Variants in TRIM16 observed in about 807,000 individuals in gnomAD.
TRIM16 encodes tripartite motif-containing protein 16.
TRIM16 carries 33 observed loss-of-function variants against 50.4 expected under a neutral mutation model. That is an observed-to-expected ratio of 0.65 (90% confidence interval 0.50 to 0.88). The LOEUF (loss-of-function observed/expected upper bound fraction) is 0.88, where lower values mean the gene tolerates loss of function less well. TRIM16 is among the 40% of genes least tolerant of loss of function. TRIM16 has a pLI of 0.00. For missense variants in TRIM16, 581 were observed against 686.8 expected, an observed-to-expected ratio of 0.85 and a Z score of 1.72; for synonymous variants, 229 against 270.7, an observed-to-expected ratio of 0.85 and a Z score of 1.51.
chr17:15,645,970 G>A (rs1301989994), intron 7 of TRIM16, among the ~76,000 whole-genome samples: 3 of 152,160 alleles, frequency 2.0e-5, no homozygotes, highest in East Asian at 3.8e-4. Flanking sequence ...AAAGGAACAT[G>A]AGCTGCTTGT....
rs1201517078 is a variant in TRIM16, at chr17:15,680,859, A to G, written c.-590+6T>C. 6 of 1,534,126 alleles carry G rather than the reference A, an allele frequency of 3.9e-6. No individual in the cohort carries two copies. The highest frequency in any genetic ancestry group is 5.2e-6 in the Non-Finnish European group (6 of 1,142,858). ...TTCCAAGAAGAGAGGAAAATCCCCA[A>G]CTCACCTGGGACTCTGCTGTCCGGC... On this transcript the variant is annotated splice_donor_region_variant and intron_variant, in intron 4 of 11. Transcript: ENST00000649191.
chr17:15,666,088 C>T (rs1988487465), intron 6 of TRIM16, among the ~76,000 whole-genome samples: 1 of 152,120 alleles, frequency 6.6e-6, no homozygotes, highest in Admixed American at 6.5e-5. Context: ...AAACCCTTTA[C>T]CCTTTATATT....
At chr17:15,679,909 C>T (rs1989111717) in intron 4 of TRIM16, among the ~76,000 whole-genome samples, 1 of 149,906 alleles carries the variant, frequency 6.7e-6, no homozygotes, top group African/African-American at 2.5e-5. Flanking sequence ...TGCACTCCAG[C>T]CTGGGCGAGA....
chr17:15,628,403 C>T lies in TRIM16; in HGVS notation c.*212G>A, dbSNP rs940425550. The T allele has an allele frequency of 3.7e-5, 21 of 560,094 alleles. No individual in the cohort carries two copies. The highest frequency in any genetic ancestry group is 6.5e-5 in the South Asian group (2 of 30,760). 34.7% of individuals were successfully genotyped at this position (560,094 alleles called of 1,614,324 possible). On this transcript the variant is annotated 3_prime_UTR_variant, in exon 12 of 12. Transcript: ENST00000649191. ...CAGCCTGGGCAACAGTGCGAGACTC[C>T]GTCTCAAAAAAAAAAAAAAGAATTA...
chr17:15,678,059 T>C (rs9898627), intron 4 of TRIM16, among the ~76,000 whole-genome samples: 1,761 of 151,700 alleles, frequency 0.012, 23 homozygotes, highest in African/African-American at 0.034. Context: ...CTACTATAAA[T>C]ACAAAAAAAA....
Position 15,651,603 on chromosome 17 carries a change from C to T in TRIM16, c.7G>A (p.Glu3Lys). The change falls in exon 7 of 12, where the codon GAG becomes AAG. Residue 3 changes from glutamate (E) to lysine (K), a missense_variant. Glu to Lys is a moderately conservative substitution (Grantham distance 56, BLOSUM62 1). This residue lies in a region of TRIM16 where 450 missense variants were observed against 544.3 expected (regional missense o/e 0.83). Transcript: ENST00000649191. Reference sequence around the variant, plus strand: ...GGCCCTGGAGCCATTAGATCCAACTCAGCCATCTGGGAGGCTCTGCTCCTA... The same window carrying T: ...GGCCCTGGAGCCATTAGATCCAACTTAGCCATCTGGGAGGCTCTGCTCCTA... MA[E>K]LDLMAPGPLP... 1 of 1,613,630 alleles carries T rather than the reference C, an allele frequency of 6.2e-7. No homozygotes were observed. Among genetic ancestry groups the T allele is most frequent in the Non-Finnish European group, 8.5e-7 (1 of 1,179,750 alleles).
At chr17:15,658,059 C>T (rs977261920) in intron 6 of TRIM16, among the ~76,000 whole-genome samples, 1 of 152,214 alleles carries the variant, frequency 6.6e-6, no homozygotes. Context: ...GAGGAATCCC[C>T]ACCCAGAATT....
intron 7 of TRIM16, among the ~76,000 whole-genome samples, chr17:15,645,874 G>C (rs187672862): frequency 4.9e-4 from 75 of 152,338 alleles, no homozygotes; most frequent in African/African-American, 1.7e-3. Flanking sequence ...AGTGGGGAGT[G>C]GGGGTGGATC....
rs199746283 is a variant in TRIM16 at position 15,628,798 on chromosome 17, C to A, written c.1512G>T (p.Gly504=). The A allele has an allele frequency of 2.5e-6, 4 of 1,614,058 alleles. No homozygotes were observed. The highest frequency in any genetic ancestry group is 1.3e-5 in the African/African-American group (1 of 74,912). The change falls in exon 12 of 12, where the codon GGG becomes GGT. Residue 504 remains glycine (G), a synonymous_variant. Coordinates refer to ENST00000649191, the MANE Select transcript of TRIM16 (RefSeq NM_001348119.1). The part of the protein sequence containing the change: ...RLGVYIDFPG[G]ILSFYGVEYD... ...ACTCTACGCCATAGAAGGAAAGGAT[C>A]CCTCCCGGGAAGTCGATATAGACCC... is the stretch of plus-strand genomic sequence containing the variant.
chr17:15,631,630 T>C lies in TRIM16; in HGVS notation c.1100A>G (p.Gln367Arg), dbSNP rs1158734844. The C allele has an allele frequency of 3.7e-6, 6 of 1,613,946 alleles. No homozygotes were observed. The highest frequency in any genetic ancestry group is 5.1e-6 in the Non-Finnish European group (6 of 1,179,852). The change falls in exon 11 of 12, where the codon CAG (glutamine) becomes CGG (arginine). Residue 367 changes from glutamine to arginine, a missense_variant. This residue lies in a region of TRIM16 where 450 missense variants were observed against 544.3 expected (regional missense o/e 0.83). Transcript: ENST00000649191. ...TSKPEPSTRE[Q>R]FLQYAYDITF... is the part of the protein sequence containing the mutation. ...CGTTCACAACTTACATTGGAGGAACTGTTCCCTGGTGCTGGGCTCAGGTTT... is the reference window on the plus strand; with the variant it reads ...CGTTCACAACTTACATTGGAGGAACCGTTCCCTGGTGCTGGGCTCAGGTTT...
intron 7 of TRIM16, among the ~76,000 whole-genome samples, chr17:15,648,283 C>A (rs999303215): frequency 5.3e-5 from 8 of 151,708 alleles, no homozygotes; most frequent in Middle Eastern, 3.4e-3. Flanking sequence ...ACAAAGGGGC[C>A]TGGAGATGCT....
At chr17:15,683,009 G>A (rs1167757807) in intron 2 of TRIM16, 27 bp downstream of exon 2, 1 of 1,550,416 alleles carries the variant, frequency 6.4e-7, no homozygotes, top group South Asian at 1.2e-5. Flanking sequence ...TTGGCTAATG[G>A]CAGGACCCTT....
At chr17:15,679,904 T>G (rs1597680862) in intron 4 of TRIM16, among the ~76,000 whole-genome samples, 1 of 145,104 alleles carries the variant, frequency 6.9e-6, no homozygotes, top group African/African-American at 2.6e-5. Flanking sequence ...GCCACTGCAC[T>G]CCAGCCTGGG....
chr17:15,652,455 C>CTTTTTTT (rs34158100), intron 6 of TRIM16, among the ~76,000 whole-genome samples: 2 of 65,358 alleles, frequency 3.1e-5, no homozygotes, highest in Admixed American at 1.8e-4. Flanking sequence ...CGGTGCCCAC[C>CTTTTTTT]TTTTTTTTTT....
Position 15,651,820 on chromosome 17 carries a change from C to A in TRIM16, c.-211G>T. ...CGATGACGACAAGGCAGCTAGAGTA[C>A]TCAGGCTCAGGACAGCCGGCTCAGG... On this transcript the variant is annotated 5_prime_UTR_variant, in exon 7 of 12. Coordinates refer to ENST00000649191, the MANE Select transcript of TRIM16 (RefSeq NM_001348119.1). 2.1e-6 allele frequency: 3 copies of A among 1,444,934 alleles called. No homozygotes were observed. Among genetic ancestry groups the A allele is most frequent in the Non-Finnish European group, 2.7e-6 (3 of 1,104,466 alleles). The allele number at this position is 1,444,934 out of a possible 1,614,324, so 89.5% of individuals were successfully genotyped here. A position where few individuals can be genotyped will look rare whatever the true frequency, so the allele number is the denominator to read the frequency against.
At chr17:15,645,567 A>G (rs1987329251) in intron 7 of TRIM16, among the ~76,000 whole-genome samples, 1 of 149,272 alleles carries the variant, frequency 6.7e-6, no homozygotes, top group South Asian at 2.1e-4. Context: ...TACAAAAAGA[A>G]AAAGAAAAAA....
At chr17:15,661,197 C>T (rs1988222337) in intron 6 of TRIM16, among the ~76,000 whole-genome samples, 1 of 152,194 alleles carries the variant, frequency 6.6e-6, no homozygotes, top group African/African-American at 2.4e-5. Flanking sequence ...AGTATCTGCT[C>T]CAATAAACTT....
At chr17:15,631,282 A>C (rs1986403005) in intron 11 of TRIM16, among the ~76,000 whole-genome samples, 1 of 152,244 alleles carries the variant, frequency 6.6e-6, no homozygotes, top group South Asian at 2.1e-4. Flanking sequence ...TGAAAGCTGA[A>C]TAAATTCTGT....
At chr17:15,670,041 C>T (rs1988661756) in intron 6 of TRIM16, among the ~76,000 whole-genome samples, 1 of 152,206 alleles carries the variant, frequency 6.6e-6, no homozygotes, top group Non-Finnish European at 1.5e-5. Context: ...AAAAGGTGTT[C>T]ACTCATTCAC....
Sources: gnomAD v4.1 joint callset for allele counts (sites outside exome capture counted in the v4.1 genomes callset) on GRCh38, gnomAD v4.1.1 for gene constraint, gnomAD v4.1.1 regional missense constraint, MANE v1.5 for transcripts, NCBI Gene and HGNC (gene_info 2026-07-23, HGNC 2026-07-21) for gene names.